The following MALRD1 variants were observed in gnomAD, a reference collection of about 807,000 sequenced individuals.
The protein encoded by MALRD1 is MAM and LDL-receptor class A domain-containing protein 1.
MALRD1 carries 247 observed loss-of-function variants against 242.1 expected under a neutral mutation model. That is an observed-to-expected ratio of 1.02 (90% CI 0.92 to 1.13). The LOEUF (loss-of-function observed/expected upper bound fraction) is 1.13, where lower values mean the gene tolerates loss of function less well. MALRD1 is among the 50% of genes most tolerant of loss of function. The pLI is 0.00. For synonymous variants in MALRD1, 995 were observed against 866.6 expected (o/e 1.15, Z -2.60); for missense variants, 2,989 against 2,533.1 (o/e 1.18, Z -3.86).
At chr10:19,243,202 T>C (rs1838872084) in intron 18 of MALRD1, among the ~76,000 whole-genome samples, 1 of 148,744 alleles carries the variant, frequency 6.7e-6, no homozygotes, top group Non-Finnish European at 1.5e-5. Flanking sequence ...TACTCTTGAC[T>C]TCTCCCCCGC....
chr10:19,592,728 GACACACACAC>G (rs71949886), intron 33 of MALRD1, among the ~76,000 whole-genome samples: 17 of 123,918 alleles, frequency 1.4e-4, no homozygotes, highest in African/African-American at 3.4e-4. Flanking sequence ...AAAATATAAA[GACACACACAC>G]ACACACACAC....
intron 31 of MALRD1, among the ~76,000 whole-genome samples, chr10:19,504,351 C>A (rs145646222): frequency 0.03 from 4,638 of 152,234 alleles, 112 homozygotes; most frequent in Middle Eastern, 0.071. Flanking sequence ...ATCCCCTTAA[C>A]CTTCGTATTC....
chr10:19,064,769 C>CA (rs147678284), intron 1 of MALRD1, among the ~76,000 whole-genome samples: 10,354 of 62,870 alleles, frequency 0.16, 624 homozygotes, highest in Admixed American at 0.25. Flanking sequence ...AACTCTGTCT[C>CA]AAAAAAAAAA....
intron 29 of MALRD1, among the ~76,000 whole-genome samples, chr10:19,465,911 G>C (rs1009553762): frequency 5.9e-5 from 9 of 151,990 alleles, no homozygotes; most frequent in Non-Finnish European, 1.0e-4. Context: ...CTCCCATCAG[G>C]TTCCTTTCCT....
In MALRD1 at chr10:19,283,102, A is replaced by G; in HGVS notation, c.3340A>G (p.Thr1114Ala). The change falls in exon 21 of 40, where the codon ACA (threonine) becomes GCA (alanine). Residue 1114 changes from threonine to alanine, a missense_variant. Thr to Ala is a moderately conservative substitution (Grantham distance 58). Transcript: ENST00000454679. Reference sequence around the variant, plus strand: ...AGTACATTTGCTTCAAGATTCAAACACATTCAGGTGGGGGCTTGGGAACGG... The same window carrying G: ...AGTACATTTGCTTCAAGATTCAAACGCATTCAGGTGGGGGCTTGGGAACGG... ...IPVHLLQDSNTFRWGLGNGIS... is the reference protein window; with the variant it reads ...IPVHLLQDSNAFRWGLGNGIS... The G allele has an allele frequency of 1.3e-6, 2 of 1,549,962 alleles. No homozygotes were observed. The highest frequency in any genetic ancestry group is 1.7e-6 in the Non-Finnish European group (2 of 1,146,570).
chr10:19,355,274 A>C (rs916350691), intron 26 of MALRD1, among the ~76,000 whole-genome samples: 3 of 152,136 alleles, frequency 2.0e-5, no homozygotes. Flanking sequence ...CAAATTGTGG[A>C]CCACCTTGAG....
Position 19,498,510 on chromosome 10 carries a change from C to A in MALRD1, c.5184C>A (p.Ser1728Arg). 1 of 1,550,248 alleles carries A rather than the reference C, an allele frequency of 6.5e-7. No individual in the cohort carries two copies. The highest frequency in any genetic ancestry group is 8.7e-7 in the Non-Finnish European group (1 of 1,146,784). ...HCAHYTSTTG[S>R]CNFETSSGNW... ...CACATTATACAAGCACAACAGGAAG[C>A]TGCAATTTTGAAACAAGTTCAGGAA... The change falls in exon 31 of 40, where the codon AGC becomes AGA. Residue 1728 changes from serine to arginine, a missense_variant. Ser to Arg is a moderately radical substitution (Grantham distance 110). Transcript: ENST00000454679.
At chr10:19,405,549 G>A (rs1847057032) in intron 28 of MALRD1, among the ~76,000 whole-genome samples, 2 of 152,126 alleles carry the variant, frequency 1.3e-5, no homozygotes, top group South Asian at 4.1e-4. Context: ...TCTCTCTTTG[G>A]TCCCATCCAT....
intron 18 of MALRD1, among the ~76,000 whole-genome samples, chr10:19,221,952 A>T (rs72786594): frequency 0.065 from 9,932 of 152,230 alleles, 433 homozygotes; most frequent in Middle Eastern, 0.11. Flanking sequence ...GAAATTTTTT[A>T]AATTACTAAT....
chr10:19,542,326 A>G (rs1331450282), intron 32 of MALRD1, among the ~76,000 whole-genome samples: 1 of 152,080 alleles, frequency 6.6e-6, no homozygotes, highest in Non-Finnish European at 1.5e-5. Flanking sequence ...AAAGCCACCC[A>G]TCTTTATTTT....
rs532474888 is a variant in MALRD1 at position 19,357,984 on chromosome 10, G to A, written c.4441+5687G>A. 2.0e-5 allele frequency among the ~76,000 whole-genome samples: 3 copies of A among 151,916 alleles called. No homozygotes were observed. The East Asian group carries it at 5.8e-4, about 29-fold the overall frequency. ...ATATTAAATTATTATTAAGTCCCTA[G>A]GAGTCACATTTAAGAGCTTATCTGG... On this transcript the variant is annotated intron_variant, in intron 26 of 39. Coordinates refer to ENST00000454679, the MANE Select transcript of MALRD1 (RefSeq NM_001142308.3).
chr10:19,267,232 G>A (rs1383667545), intron 19 of MALRD1, among the ~76,000 whole-genome samples: 7 of 151,942 alleles, frequency 4.6e-5, no homozygotes, highest in African/African-American at 7.2e-5. Flanking sequence ...AAAATTATTA[G>A]TTATTACAAT....
intron 8 of MALRD1, among the ~76,000 whole-genome samples, chr10:19,133,192 G>A (rs1452531656): frequency 6.6e-6 from 1 of 151,984 alleles, no homozygotes; most frequent in Non-Finnish European, 1.5e-5. Context: ...TGCAGTAAAG[G>A]CTTGTTACTA....
intron 28 of MALRD1, among the ~76,000 whole-genome samples, chr10:19,420,520 A>G (rs906547834): frequency 2.0e-5 from 3 of 152,142 alleles, no homozygotes; most frequent in African/African-American, 7.2e-5. Context: ...AAACAGAGGA[A>G]TAAGTTTTAT....
chr10:19,332,177 G>GTTT (rs752668636), intron 24 of MALRD1, among the ~76,000 whole-genome samples: 1 of 146,484 alleles, frequency 6.8e-6, no homozygotes. Flanking sequence ...AATAAATGTT[G>GTTT]TTTTTTTTTT....
intron 26 of MALRD1, among the ~76,000 whole-genome samples, chr10:19,381,000 C>T (rs1343616627): frequency 6.7e-6 from 1 of 150,086 alleles, no homozygotes; most frequent in African/African-American, 2.5e-5. Context: ...TGCTGGTGGG[C>T]TGCACCCACT....
Position 19,237,768 on chromosome 10 carries a change from TA to T in MALRD1, c.2992-19911del, listed in dbSNP as rs1319512174. 5.6e-5 allele frequency among the ~76,000 whole-genome samples: 7 copies of T among 124,726 alleles called. No homozygotes were observed. In the East Asian group the frequency reaches 1.1e-3, roughly 19 times the overall value. 81.8% of individuals were successfully genotyped at this position (124,726 alleles called of 152,430 possible). A position where few individuals can be genotyped will look rare whatever the true frequency, so the allele number is the denominator to read the frequency against. On this transcript the variant is annotated intron_variant, in intron 18 of 39. Transcript: ENST00000454679. Reference sequence around the variant, plus strand: ...TTATATATAAAACCATAATTATATATAAAAACATAATTATTTATAATTTTAT... The same window carrying T: ...TTATATATAAAACCATAATTATATATAAAACATAATTATTTATAATTTTAT...
chr10:19,112,372 C>T (rs375860248), intron 5 of MALRD1, among the ~76,000 whole-genome samples: 67 of 151,966 alleles, frequency 4.4e-4, no homozygotes, highest in African/African-American at 3.6e-4. Flanking sequence ...TTCTGGACAT[C>T]GTCATCAGAA....
rs146463753 is a variant in MALRD1 at position 19,269,053 on chromosome 10, A to T, written c.3080-10994A>T. On this transcript the variant is annotated intron_variant, in intron 19 of 39. Transcript: ENST00000454679. ...ATTTCATCTTTTCAATTTTTGTTTC[A>T]TCGGCAAAGATTTTAGTGTTCTTTG... Among the ~76,000 whole-genome samples the T allele has an allele frequency of 4.8e-3, 732 of 152,296 alleles. 6 individuals carry two copies. Among genetic ancestry groups the T allele is most frequent in the Middle Eastern group, 0.017 (5 of 294 alleles).
Sources: allele counts gnomAD v4.1 joint callset (sites outside exome capture counted in the v4.1 genomes callset), GRCh38; gene constraint gnomAD v4.1.1; transcripts MANE v1.5; gene names NCBI Gene and HGNC (gene_info 2026-07-23, HGNC 2026-07-21).